Variants in SRSF10 observed in about 807,000 individuals in gnomAD.
The protein encoded by SRSF10 is serine/arginine-rich splicing factor 10.
In SRSF10, 9 loss-of-function variants were observed where a neutral mutation model predicts 32.6. That is an observed-to-expected ratio of 0.28 (90% CI 0.17 to 0.48). The LOEUF (loss-of-function observed/expected upper bound fraction) is 0.48, where lower values mean the gene tolerates loss of function less well. Ranked by LOEUF, SRSF10 falls within the 20% of genes least tolerant of loss-of-function variation. The probability of loss-of-function intolerance (pLI) is 0.99; values close to 1 mark genes in which losing one functional copy is unlikely to be tolerated. For synonymous variants in SRSF10, 105 were observed against 112.4 expected (o/e 0.93, Z 0.42); for missense variants, 201 against 331.8 (o/e 0.61, Z 3.06).
At chr1:23,971,529 A>G in intron 5 of SRSF10, 44 bp downstream of exon 5, 1 of 1,596,066 alleles carries the variant, frequency 6.3e-7, no homozygotes, top group African/African-American at 1.4e-5. Context: ...GTTCACTCTG[A>G]AATTAAAAAA....
At chr1:23,976,833 G>A (rs913433878) in intron 2 of SRSF10, 2 of 152,196 alleles carry the variant, frequency 1.3e-5, no homozygotes, top group African/African-American at 2.4e-5. Flanking sequence ...TTTCAAAAAT[G>A]AAATTCATAA....
intron 1 of SRSF10, 143 bp downstream of exon 1, chr1:23,980,048 G>A: frequency 1.2e-6 from 1 of 860,184 alleles, no homozygotes; most frequent in East Asian, 3.3e-5. Context: ...CCCGCTGCGC[G>A]GCCTAGTTCG....
At chr1:23,972,717 CAGG>C (rs1641843579) in intron 3 of SRSF10, among the ~76,000 whole-genome samples, 1 of 150,020 alleles carries the variant, frequency 6.7e-6, no homozygotes, top group East Asian at 2.0e-4. Flanking sequence ...GCTAGGATTA[CAGG>C]TGTGAGCCAC....
rs1236749067 is a variant in SRSF10, at chr1:23,970,138, C to T, written c.*1004G>A. 1.2e-5 allele frequency: 12 copies of T among 985,182 alleles called. No homozygotes were observed. In the South Asian group the frequency reaches 3.8e-4, roughly 31 times the overall value. The allele number at this position is 985,182 out of a possible 1,614,324, so 61.0% of individuals were successfully genotyped here. A position where few individuals can be genotyped will look rare whatever the true frequency, so the allele number is the denominator to read the frequency against. On this transcript the variant is annotated 3_prime_UTR_variant, in exon 6 of 6. Transcript: ENST00000492112. ...TAACTACATAAGAATATTCCTTTTT[C>T]CTTAAAATTATTTTTGCCATCAACG...
intron 4 of SRSF10, 56 bp downstream of exon 4, chr1:23,971,794 T>G: frequency 1.3e-6 from 2 of 1,550,752 alleles, no homozygotes; most frequent in Non-Finnish European, 1.7e-6. Flanking sequence ...AAAAAAAAAT[T>G]AAATGCTAAC....
At position 23,967,938 on chromosome 1, in the gene SRSF10, T is replaced by C. The variant is rs1253731267; in HGVS notation, c.*3204A>G. The C allele has an allele frequency of 6.5e-7, 1 of 1,537,952 alleles. No homozygotes were observed. On this transcript the variant is annotated 3_prime_UTR_variant, in exon 6 of 6. Transcript: ENST00000492112. ...TCTCACTGAAGCATTATCTCTCATT[T>C]TTCTTCTTGCTTACTTGGCTTCAAA...
Position 23,967,641 on chromosome 1 carries a change from T to A in SRSF10, c.*3501A>T. ...CACCCTTTGGTCGCTTGAACTGCCC[T>A]TCTTTGGTTCTTTTTCCGCTTTCAG... is the stretch of plus-strand genomic sequence containing the variant. On this transcript the variant is annotated 3_prime_UTR_variant, in exon 6 of 6. Coordinates refer to ENST00000492112, the MANE Select transcript of SRSF10 (RefSeq NM_054016.4). The A allele has an allele frequency of 1.4e-6, 2 of 1,476,882 alleles. No homozygotes were observed. Among genetic ancestry groups the A allele is most frequent in the Non-Finnish European group, 1.9e-6 (2 of 1,055,900 alleles). The allele number at this position is 1,476,882 out of a possible 1,614,324, so 91.5% of individuals were successfully genotyped here.
chr1:23,974,908 C>G (rs1641994709), intron 3 of SRSF10, 66 bp downstream of exon 3: 1 of 1,223,942 alleles, frequency 8.2e-7, no homozygotes, highest in South Asian at 1.3e-5. Flanking sequence ...TGCTTAAATT[C>G]TTAAAAAAAA....
In SRSF10 at chr1:23,978,514, G is replaced by A. The variant is rs1467408946; in HGVS notation, c.170+199C>T. The stretch of plus-strand genomic sequence containing the variant: ...CGATATGAGTTTCAGAAGCATGAAT[G>A]GGAATTTATATATTTTACCATTTTT... On this transcript the variant is annotated intron_variant, in intron 2 of 5. Transcript: ENST00000492112. 4.6e-5 allele frequency: 34 copies of A among 731,702 alleles called. No individual in the cohort carries two copies. In the East Asian group the frequency reaches 1.1e-3, roughly 23 times the overall value. 45.3% of individuals were successfully genotyped at this position (731,702 alleles called of 1,614,324 possible).
intron 3 of SRSF10, among the ~76,000 whole-genome samples, chr1:23,973,912 G>A (rs1345094778): frequency 6.6e-6 from 1 of 151,604 alleles, no homozygotes; most frequent in African/African-American, 2.4e-5. Flanking sequence ...GCATAACCAG[G>A]AATCTATTAC....
Position 23,964,421 on chromosome 1 carries a change from G to A in SRSF10, c.*6721C>T, listed in dbSNP as rs368787273. Among the ~76,000 whole-genome samples, 493 of 151,980 alleles carry A rather than the reference G, an allele frequency of 3.2e-3. 4 individuals carry two copies. Among genetic ancestry groups the A allele is most frequent in the African/African-American group, 0.011 (451 of 41,510 alleles). On this transcript the variant is annotated 3_prime_UTR_variant, in exon 6 of 6. Coordinates refer to ENST00000492112, the MANE Select transcript of SRSF10 (RefSeq NM_054016.4). The stretch of plus-strand genomic sequence containing the variant: ...GAATTTCCCAAGTCGATGCAATTGC[G>A]AGAACCAAAAATAGCTGGTACAGAG...
chr1:23,971,625 T>A lies in SRSF10; in HGVS notation c.439A>T (p.Ser147Cys). 6.2e-7 allele frequency: 1 copy of A among 1,610,564 alleles called. No homozygotes were observed. Among genetic ancestry groups the A allele is most frequent in the Non-Finnish European group, 8.5e-7 (1 of 1,179,712 alleles). Residue 147 changes from serine (S) to cysteine (C), a missense_variant and splice_region_variant, in exon 5 of 6, where the codon AGT becomes TGT. Around this residue, in one of 3 missense-constraint regions of SRSF10, gnomAD observed 159 missense variants for 196.7 expected, o/e 0.81. Transcript: ENST00000492112. ...CGCCGTGGTCTTCCAGTCGGTCTAC[T>A]GCTAAAAAGCATATCAGAAAAAGCA... ...NYRRSYSPRNSRPTGRPRRSR... is the reference protein window; with the variant it reads ...NYRRSYSPRNCRPTGRPRRSR...
rs2148494655 is a variant in SRSF10, at chr1:23,968,258, C to G, written c.*2884G>C. Among the ~76,000 whole-genome samples, 1 of 152,168 alleles carries G rather than the reference C, an allele frequency of 6.6e-6. No individual in the cohort carries two copies. The highest frequency in any genetic ancestry group is 2.4e-5 in the African/African-American group (1 of 41,528). On this transcript the variant is annotated 3_prime_UTR_variant, in exon 6 of 6. Transcript: ENST00000492112. ...ACAACATATAAGATTCTCAATAGTC[C>G]AAGTCTAAAAATAAGTTGACACAAG...
chr1:23,975,884 A>G (rs1334376783), intron 2 of SRSF10: 1 of 152,172 alleles, frequency 6.6e-6, no homozygotes, highest in Admixed American at 6.5e-5. Flanking sequence ...GAATTTCAAG[A>G]TATTATTTAC....
chr1:23,975,398 C>A, intron 2 of SRSF10: 2 of 233,332 alleles, frequency 8.6e-6, no homozygotes, highest in Admixed American at 5.5e-5. Flanking sequence ...ATTAAGTTTA[C>A]AAGACAAAAA....
At chr1:23,979,970 C>A (rs1642359739) in intron 1 of SRSF10, among the ~76,000 whole-genome samples, 1 of 152,200 alleles carries the variant, frequency 6.6e-6, no homozygotes, top group Non-Finnish European at 1.5e-5. Context: ...GGAGGGGGAC[C>A]GAAAAACCCC....
intron 3 of SRSF10, 73 bp from the exon 4 acceptor site, chr1:23,972,085 A>G (rs1455335568): frequency 9.9e-6 from 13 of 1,314,892 alleles, no homozygotes; most frequent in Non-Finnish European, 1.2e-5. Context: ...AATAGGGAAA[A>G]AAATCCCTGC....
chr1:23,979,013 T>C (rs1570794327), intron 1 of SRSF10, 196 bp from the exon 2 acceptor site: 1 of 313,862 alleles, frequency 3.2e-6, no homozygotes, highest in Non-Finnish European at 5.8e-6. Context: ...ACAGCCGTCA[T>C]TTTTCATAAA....
rs1641466030 is a variant in SRSF10 at position 23,966,671 on chromosome 1, A to G, written c.*4471T>C. 6.6e-6 allele frequency: 1 copy of G among 152,052 alleles called. No individual in the cohort carries two copies. Among genetic ancestry groups the G allele is most frequent in the African/African-American group, 2.4e-5 (1 of 41,438 alleles). 9.4% of individuals were successfully genotyped at this position (152,052 alleles called of 1,614,324 possible). On this transcript the variant is annotated 3_prime_UTR_variant, in exon 6 of 6. Coordinates refer to ENST00000492112, the MANE Select transcript of SRSF10 (RefSeq NM_054016.4). ...GTTAAATACTTATTTTGGGGGTTAT[A>G]TCCTAGCATGTGTTTGGTGAGGCAG...
Sources: allele counts gnomAD v4.1 joint callset (sites outside exome capture counted in the v4.1 genomes callset), GRCh38; gene constraint gnomAD v4.1.1; regional missense constraint gnomAD v4.1.1; transcripts MANE v1.5; gene names NCBI Gene and HGNC (gene_info 2026-07-23, HGNC 2026-07-21).